DNAH1: variants seen among roughly 807,000 people sequenced by gnomAD.
DNAH1 encodes dynein axonemal heavy chain 1, also known as axonemal beta dynein heavy chain 1.
Under a neutral mutation model 484.3 loss-of-function variants are expected in DNAH1, and 327 were observed. The observed-to-expected ratio is 0.68, with a 90% CI of 0.62 to 0.74. The LOEUF is 0.74. Among genes scored for constraint, DNAH1 ranks in the 30% least tolerant of loss-of-function variants. DNAH1 has a pLI of 0.00. For synonymous variants in DNAH1, 2,192 were observed against 2,191.9 expected (o/e 1.00, Z 0.00); for missense variants, 5,052 against 5,546.8 (o/e 0.91, Z 2.83).
chr3:52,356,616 G>A lies in DNAH1; in HGVS notation c.3696G>A (p.Glu1232=), dbSNP rs1178501276. 3.7e-6 allele frequency: 6 copies of A among 1,613,112 alleles called. No individual in the cohort carries two copies. Among genetic ancestry groups the A allele is most frequent in the Non-Finnish European group, 5.1e-6 (6 of 1,179,884 alleles). The change falls in exon 22 of 78, where the codon GAG becomes GAA. Residue 1232 remains glutamate (E), a splice_region_variant and synonymous_variant. Coordinates refer to ENST00000420323, the MANE Select transcript of DNAH1 (RefSeq NM_015512.5). ...SWENKLKLTQ[E]VLEEWLNCQR... ...CTCCCTGCCCCTCCCCTCCCCAGGA[G>A]GTTCTGGAGGAGTGGCTGAACTGTC...
At chr3:52,331,063 AT>A in intron 6 of DNAH1, 84 bp from the exon 7 acceptor site, 1 of 1,463,902 alleles carries the variant, frequency 6.8e-7, no homozygotes, top group Non-Finnish European at 9.2e-7. Context: ...TCTGAGACCC[AT>A]TCCCAGCGAT....
chr3:52,393,467 C>G lies in DNAH1; in HGVS notation c.10608C>G (p.Asn3536Lys), dbSNP rs751887427. ...AFLLCVRIMMNEGKINQSEWR... is the reference protein window; with the variant it reads ...AFLLCVRIMMKEGKINQSEWR... ...TGCTGTGTGTTCGCATCATGATGAA[C>G]GAGGGCAAAATCAACCAGGTGCTGG... is the stretch of plus-strand genomic sequence containing the variant. The change falls in exon 66 of 78, where the codon AAC becomes AAG. Residue 3536 changes from asparagine (N) to lysine (K), a missense_variant. By Grantham distance (94) the Asn-to-Lys change is moderately conservative. This residue lies in a region of DNAH1 where 2,929 missense variants were observed against 3,409.4 expected (regional missense o/e 0.86). Transcript: ENST00000420323. 1 of 1,613,962 alleles carries G rather than the reference C, an allele frequency of 6.2e-7. No homozygotes were observed. The highest frequency in any genetic ancestry group is 8.5e-7 in the Non-Finnish European group (1 of 1,179,878).
At chr3:52,399,444 C>A in intron 76 of DNAH1, 101 bp from the exon 77 acceptor site, 1 of 1,097,926 alleles carries the variant, frequency 9.1e-7, no homozygotes. Context: ...GATGGGCAGG[C>A]AGGCAGCATT....
intron 1 of DNAH1, 107 bp from the exon 2 acceptor site, chr3:52,322,301 TG>T: frequency 1.4e-6 from 1 of 698,664 alleles, no homozygotes; most frequent in Non-Finnish European, 2.4e-6. Flanking sequence ...CTGTTACCCA[TG>T]GGTCATGGGC....
rs1704814600 is a variant in DNAH1, at chr3:52,399,622, TG to T, written c.12520del (p.Ala4174ProfsTer49). 1 of 1,613,854 alleles carries T rather than the reference TG, an allele frequency of 6.2e-7. No homozygotes were observed. The highest frequency in any genetic ancestry group is 8.5e-7 in the Non-Finnish European group (1 of 1,179,900). On this transcript the variant is annotated frameshift_variant, in exon 77 of 78. Transcript: ENST00000420323. LOFTEE classifies it high-confidence loss of function. ...ATATCCATGGATTATTCCTGGAAGGTGCCCGCTGGGATCCAGAGGCCTTCCA... is the reference window on the plus strand; with the variant it reads ...ATATCCATGGATTATTCCTGGAAGGTCCCGCTGGGATCCAGAGGCCTTCCA... ...CYIHGLFLEG[A>X]RWDPEAFQLA...
At chr3:52,339,800 GTGTC>G (rs1157487793) in intron 8 of DNAH1, among the ~76,000 whole-genome samples, 1 of 149,330 alleles carries the variant, frequency 6.7e-6, no homozygotes, top group South Asian at 2.1e-4. Flanking sequence ...CTCTGTGTGT[GTGTC>G]TGTGTGTGTG....
chr3:52,358,464 G>A lies in DNAH1; in HGVS notation c.4087-94G>A. 1 of 1,320,808 alleles carries A rather than the reference G, an allele frequency of 7.6e-7. No homozygotes were observed. Among genetic ancestry groups the A allele is most frequent in the African/African-American group, 1.5e-5 (1 of 66,512 alleles). The allele number at this position is 1,320,808 out of a possible 1,614,324, so 81.8% of individuals were successfully genotyped here. On this transcript the variant is annotated intron_variant, in intron 24 of 77. Transcript: ENST00000420323. The surrounding 1 kb of genome is among the most constrained non-coding windows in gnomAD (Gnocchi z 4.2). The stretch of plus-strand genomic sequence containing the variant: ...AAGGCAGGGCTTTCTTCTTGAGGTG[G>A]AGGGCACCGGGCAGGCTTAGCGCTG...
At chr3:52,376,861 T>G (rs953823144) in intron 46 of DNAH1, among the ~76,000 whole-genome samples, 1 of 151,736 alleles carries the variant, frequency 6.6e-6, no homozygotes, top group African/African-American at 2.4e-5. Context: ...TTGCCTTCTG[T>G]GGCCAGACCA....
rs763219627 is a variant in DNAH1, at chr3:52,384,831, A to G, written c.8368A>G (p.Ile2790Val). ...CCACCAGTCGGTGTCCAAGAAGTGCATCGAGTACCTGGCAGAGCTGACCCG... is the reference window on the plus strand; with the variant it reads ...CCACCAGTCGGTGTCCAAGAAGTGCGTCGAGTACCTGGCAGAGCTGACCCG... ...YIHQSVSKKCIEYLAELTRHN... is the reference protein window; with the variant it reads ...YIHQSVSKKCVEYLAELTRHN... The change falls in exon 53 of 78, where the codon ATC (isoleucine) becomes GTC (valine). Residue 2790 changes from isoleucine (I) to valine (V), a missense_variant. This residue lies in a region of DNAH1 where 2,929 missense variants were observed against 3,409.4 expected (regional missense o/e 0.86). Coordinates refer to ENST00000420323, the MANE Select transcript of DNAH1 (RefSeq NM_015512.5). 5.6e-6 allele frequency: 9 copies of G among 1,605,260 alleles called. No homozygotes were observed. The highest frequency in any genetic ancestry group is 7.7e-6 in the Non-Finnish European group (9 of 1,175,812).
rs1704650826 is a variant in DNAH1 at position 52,396,800 on chromosome 3, G to A, written c.11610+3G>A. On this transcript the variant is annotated splice_donor_region_variant and intron_variant, in intron 72 of 77. Transcript: ENST00000420323. ...AATATGATGACATCCCCTACAAGGT[G>A]GGCCTGGGGCAGACTGGGGCCTGGG... The A allele has an allele frequency of 6.2e-7, 1 of 1,613,040 alleles. No homozygotes were observed. The highest frequency in any genetic ancestry group is 1.3e-5 in the African/African-American group (1 of 75,016).
At chr3:52,383,762 G>C (rs1703968997) in intron 51 of DNAH1, 98 bp from the exon 52 acceptor site, 6 of 1,448,138 alleles carry the variant, frequency 4.1e-6, no homozygotes, top group Non-Finnish European at 5.5e-6. Context: ...CTGTGTCCTG[G>C]CTGCCATGCC....
intron 52 of DNAH1, 42 bp downstream of exon 52, chr3:52,384,073 T>A (rs1016577805): frequency 3.3e-6 from 5 of 1,520,878 alleles, no homozygotes; most frequent in Non-Finnish European, 3.5e-6. Context: ...GGAGACCTGT[T>A]TAGCTTGGGG....
chr3:52,386,883 G>A, intron 56 of DNAH1, 30 bp downstream of exon 56: 1 of 1,519,356 alleles, frequency 6.6e-7, no homozygotes, highest in Non-Finnish European at 8.8e-7. Flanking sequence ...TGGCCAGCCA[G>A]CGAGTGAGGA....
At position 52,375,363 on chromosome 3, in the gene DNAH1, A is replaced by G. The variant is rs202011102; in HGVS notation, c.7109A>G (p.Asp2370Gly). The change falls in exon 45 of 78, where the codon GAC (aspartate) becomes GGC (glycine). Residue 2370 changes from aspartate (D) to glycine (G), a missense_variant. By Grantham distance (94) the Asp-to-Gly change is moderately conservative. Coordinates refer to ENST00000420323, the MANE Select transcript of DNAH1 (RefSeq NM_015512.5). ...HFNYLSFAEM[D>G]EVSKKRIFST... ...AACTACCTGTCTTTCGCTGAGATGGACGAGGTCAGCAAGAAACGCATCTTC... is the reference window on the plus strand; with the variant it reads ...AACTACCTGTCTTTCGCTGAGATGGGCGAGGTCAGCAAGAAACGCATCTTC... 4 of 1,613,626 alleles carry G rather than the reference A, an allele frequency of 2.5e-6. No individual in the cohort carries two copies.
rs1463692669 is a variant in DNAH1, at chr3:52,358,723, A to G, written c.4252A>G (p.Arg1418Gly). The G allele has an allele frequency of 3.1e-6, 5 of 1,612,680 alleles. No individual in the cohort carries two copies. Among genetic ancestry groups the G allele is most frequent in the Non-Finnish European group, 4.2e-6 (5 of 1,179,686 alleles). ...GCACGACATCATTGAGAAGGCCATCAGGGCCTACCCCACGGTGAGCCGCCC... is the reference window on the plus strand; with the variant it reads ...GCACGACATCATTGAGAAGGCCATCGGGGCCTACCCCACGGTGAGCCGCCC... ...SVHDIIEKAI[R>G]AYPTMPRTQW... Residue 1418 changes from arginine to glycine, a missense_variant, in exon 25 of 78, where the codon AGG becomes GGG. Coordinates refer to ENST00000420323, the MANE Select transcript of DNAH1 (RefSeq NM_015512.5). The surrounding 1 kb of genome is among the most constrained non-coding windows in gnomAD (Gnocchi z 4.2).
rs535041635 is a variant in DNAH1, at chr3:52,350,435, T to G, written c.2647-73T>G. The G allele has an allele frequency of 1.5e-4, 211 of 1,418,732 alleles. No homozygotes were observed. In the African/African-American group the frequency reaches 2.9e-3, roughly 19 times the overall value. 87.9% of individuals were successfully genotyped at this position (1,418,732 alleles called of 1,614,324 possible). ...GCAGCCCCTCTCTAGTACCCGTCTC[T>G]GGGGAGCCAGGTTCCGATTACCCAC... On this transcript the variant is annotated intron_variant, in intron 15 of 77. Transcript: ENST00000420323.
chr3:52,320,071 C>G (rs1334465189), intron 1 of DNAH1, among the ~76,000 whole-genome samples: 1 of 152,226 alleles, frequency 6.6e-6, no homozygotes, highest in Non-Finnish European at 1.5e-5. Context: ...TAAGCATGTT[C>G]AGGCCCATCT....
rs769171776 is a variant in DNAH1, at chr3:52,327,934, T to C, written c.791T>C (p.Met264Thr). 4 of 1,613,876 alleles carry C rather than the reference T, an allele frequency of 2.5e-6. No individual in the cohort carries two copies. The African/African-American group carries it at 5.3e-5, about 22-fold the overall frequency. Residue 264 changes from methionine (M) to threonine (T), a missense_variant, in exon 6 of 78, where the codon ATG becomes ACG. Met to Thr is a moderately conservative substitution (Grantham distance 81, BLOSUM62 -1). This residue lies in a region of DNAH1 where 1,263 missense variants were observed against 1,218.8 expected (regional missense o/e 1.04). Transcript: ENST00000420323. ...CGGACTCCCAGAGAGTGGATCAACA[T>C]GGGCTTGGAGCCAGGGTCTCTGGAC... ...DCRTPREWIN[M>T]GLEPGSLDRK...
intron 23 of DNAH1, 37 bp from the exon 24 acceptor site, chr3:52,357,861 T>C: frequency 6.3e-7 from 1 of 1,599,678 alleles, no homozygotes; most frequent in Non-Finnish European, 8.5e-7. Flanking sequence ...CCAGGGAGCC[T>C]GCACGACCCG....
Sources: gnomAD v4.1 joint callset for allele counts (sites outside exome capture counted in the v4.1 genomes callset) on GRCh38, gnomAD v4.1.1 for gene constraint, gnomAD v4.1.1 regional missense constraint, Gnocchi (gnomAD v3.1) non-coding constraint, MANE v1.5 for transcripts, NCBI Gene and HGNC (gene_info 2026-07-23, HGNC 2026-07-21) for gene names.